Variants in SUPT3H observed in about 807,000 individuals in gnomAD.
The protein encoded by SUPT3H is SPT3 homolog, SAGA and STAGA complex component.
A neutral mutation model predicts 44.3 loss-of-function variants in SUPT3H; 44 were observed. The observed-to-expected ratio is 0.99, with a 90% CI of 0.78 to 1.28. The LOEUF is 1.28. Ranked by LOEUF, SUPT3H falls within the 50% of genes most tolerant of loss-of-function variation. SUPT3H has a pLI of 0.00. For synonymous variants in SUPT3H, 124 were observed against 125.6 expected (o/e 0.99, Z 0.09); for missense variants, 380 against 387.1 (o/e 0.98, Z 0.15).
intron 2 of SUPT3H, among the ~76,000 whole-genome samples, chr6:45,309,751 AAAAG>A (rs1783663660): frequency 6.6e-6 from 1 of 152,188 alleles, no homozygotes; most frequent in African/African-American, 2.4e-5. Flanking sequence ...CCAACAAGAG[AAAAG>A]AAAGAAATCA....
At chr6:45,175,239 C>T (rs986524719) in intron 2 of SUPT3H, among the ~76,000 whole-genome samples, 6 of 151,778 alleles carry the variant, frequency 4.0e-5, no homozygotes, top group African/African-American at 1.2e-4. Flanking sequence ...TGTATTAGTC[C>T]GTTCTCACAC....
Position 45,014,814 on chromosome 6 carries a change from A to G in SUPT3H, c.351T>C (p.Asp117=), listed in dbSNP as rs1562262123. Residue 117 remains aspartate, a synonymous_variant, in exon 5 of 11, where the codon GAT becomes GAC. Coordinates refer to ENST00000371459, the MANE Select transcript of SUPT3H (RefSeq NM_003599.4). The stretch of plus-strand genomic sequence containing the variant: ...TGTTTTGGTTACCTTCGAGAAGATC[A>G]TCCTCATCGATGCCTTTGACAATCT... The part of the protein sequence containing the change: ...KSKIVKGIDE[D]DLLEDKLSGS... 6.3e-7 allele frequency: 1 copy of G among 1,590,796 alleles called. No individual in the cohort carries two copies.
chr6:44,962,902 T>A (rs1776236207), intron 6 of SUPT3H, among the ~76,000 whole-genome samples: 1 of 152,010 alleles, frequency 6.6e-6, no homozygotes. Context: ...TCTCCCTTTT[T>A]TCTTTCTCTC....
At chr6:45,105,820 A>T (rs554926972) in intron 3 of SUPT3H, 102 bp downstream of exon 3, 2 of 909,212 alleles carry the variant, frequency 2.2e-6, no homozygotes, top group Non-Finnish European at 3.3e-6. Context: ...GCTAACAAAA[A>T]AGAATTCCAG....
At chr6:44,842,465 G>T (rs1006237573) in intron 10 of SUPT3H, among the ~76,000 whole-genome samples, 4 of 151,966 alleles carry the variant, frequency 2.6e-5, no homozygotes, top group African/African-American at 9.7e-5. Context: ...CAGGTAAGTG[G>T]TATCAGTGTC....
Position 45,283,373 on chromosome 6 carries a change from A to G in SUPT3H, c.101+81828T>C, listed in dbSNP as rs181128019. 9.1e-3 allele frequency among the ~76,000 whole-genome samples: 1,381 copies of G among 152,320 alleles called. 14 individuals are homozygous for G. The highest frequency in any genetic ancestry group is 0.028 in the South Asian group (136 of 4,822). ...GTGCAGAGACATACATAGGATCAAA[A>G]TAAAGGGATGGAGGAAGATCTACCA... On this transcript the variant is annotated intron_variant, in intron 2 of 10. Transcript: ENST00000371459.
chr6:44,915,412 A>G (rs1164992221), intron 10 of SUPT3H, among the ~76,000 whole-genome samples: 2 of 152,158 alleles, frequency 1.3e-5, no homozygotes, highest in Non-Finnish European at 2.9e-5. Flanking sequence ...AGAATAAACC[A>G]AAGATCATAC....
At chr6:44,991,604 C>T (rs1780623704) in intron 6 of SUPT3H, among the ~76,000 whole-genome samples, 1 of 151,990 alleles carries the variant, frequency 6.6e-6, no homozygotes, top group African/African-American at 2.4e-5. Flanking sequence ...ACTGCAACCT[C>T]CGCCTTGTGG....
chr6:44,922,330 T>C (rs1376381258), intron 10 of SUPT3H, among the ~76,000 whole-genome samples: 2 of 152,220 alleles, frequency 1.3e-5, no homozygotes, highest in Non-Finnish European at 2.9e-5. Flanking sequence ...AAGGTATCAG[T>C]TTCATTTTTG....
chr6:45,245,084 TTTGA>T (rs1428811196), intron 2 of SUPT3H, among the ~76,000 whole-genome samples: 3 of 152,176 alleles, frequency 2.0e-5, no homozygotes, highest in African/African-American at 7.2e-5. Flanking sequence ...TTGGTAATGC[TTTGA>T]TTGGTAAGAT....
At chr6:45,276,774 C>T (rs991605870) in intron 2 of SUPT3H, among the ~76,000 whole-genome samples, 1 of 152,176 alleles carries the variant, frequency 6.6e-6, no homozygotes, top group African/African-American at 2.4e-5. Flanking sequence ...CATCCAAAAT[C>T]AGCAGAGCTG....
chr6:44,975,369 G>GTA (rs1338542786), intron 6 of SUPT3H, among the ~76,000 whole-genome samples: 5 of 152,186 alleles, frequency 3.3e-5, no homozygotes, highest in South Asian at 2.1e-4. Context: ...AGAAAATGTG[G>GTA]TATATATATA....
chr6:45,141,127 G>T (rs1805108931), intron 2 of SUPT3H, among the ~76,000 whole-genome samples: 1 of 151,842 alleles, frequency 6.6e-6, no homozygotes, highest in Non-Finnish European at 1.5e-5. Context: ...ATCACCTGAG[G>T]TCAGGAGATT....
intron 10 of SUPT3H, 140 bp downstream of exon 10, chr6:44,932,513 A>C: frequency 1.9e-6 from 1 of 538,548 alleles, no homozygotes; most frequent in Middle Eastern, 4.8e-4. Context: ...TCCCAAGAGA[A>C]TTATGCCACT....
intron 2 of SUPT3H, among the ~76,000 whole-genome samples, chr6:45,229,141 GTT>G (rs1280875233): frequency 1.3e-5 from 2 of 152,036 alleles, no homozygotes; most frequent in African/African-American, 2.4e-5. Context: ...AAAATCATGA[GTT>G]TGGTAAAAAC....
chr6:45,325,643 C>CAAAGAT (rs1265914033), intron 2 of SUPT3H, among the ~76,000 whole-genome samples: 1 of 151,298 alleles, frequency 6.6e-6, no homozygotes, highest in African/African-American at 2.4e-5. Flanking sequence ...CTTTAAAAAG[C>CAAAGAT]AAAAATAAAA....
chr6:44,857,480 T>A (rs749572047), intron 10 of SUPT3H, among the ~76,000 whole-genome samples: 3 of 152,228 alleles, frequency 2.0e-5, no homozygotes, highest in African/African-American at 2.4e-5. Context: ...ATTTTTAATG[T>A]CTATGTTTAG....
chr6:44,909,322 A>G (rs879937102), intron 10 of SUPT3H, among the ~76,000 whole-genome samples: 29 of 152,142 alleles, frequency 1.9e-4, no homozygotes, highest in Non-Finnish European at 3.2e-4. Flanking sequence ...ATGTTTTGAT[A>G]TTGGGCCTAG....
intron 2 of SUPT3H, among the ~76,000 whole-genome samples, chr6:45,176,670 T>A (rs1345954557): frequency 6.6e-6 from 1 of 152,158 alleles, no homozygotes; most frequent in Admixed American, 6.5e-5. Context: ...GACTTAAATG[T>A]CCCTGTCTGA....
Sources: gnomAD v4.1 joint callset for allele counts (sites outside exome capture counted in the v4.1 genomes callset) on GRCh38, gnomAD v4.1.1 for gene constraint, MANE v1.5 for transcripts, NCBI Gene and HGNC (gene_info 2026-07-23, HGNC 2026-07-21) for gene names.